SEPTIN9: variants seen among roughly 807,000 people sequenced by gnomAD.
The protein encoded by SEPTIN9 is septin 9, also known as septin-9.
Under a neutral mutation model 56.6 loss-of-function variants are expected in SEPTIN9, and 13 were observed. The observed-to-expected ratio is 0.23, with a 90% CI of 0.15 to 0.37. The LOEUF is 0.37. SEPTIN9 is among the 10% of genes least tolerant of loss of function. SEPTIN9 has a pLI of 1.00. For synonymous variants in SEPTIN9, 332 were observed against 334.1 expected, an observed-to-expected ratio of 0.99 and a Z score of 0.07; for missense variants, 650 against 823.1, an observed-to-expected ratio of 0.79 and a Z score of 2.57.
chr17:77,397,747 T>G (rs2035768371), intron 2 of SEPTIN9, among the ~76,000 whole-genome samples: 1 of 152,128 alleles, frequency 6.6e-6, no homozygotes, highest in African/African-American at 2.4e-5. Context: ...CCTCCCGAAT[T>G]TAAGTGATTC....
At chr17:77,462,891 C>T (rs2038543740) in intron 3 of SEPTIN9, among the ~76,000 whole-genome samples, 1 of 152,174 alleles carries the variant, frequency 6.6e-6, no homozygotes, top group South Asian at 2.1e-4. Context: ...ATCTGGCCAC[C>T]TTGGCCTTCC....
Position 77,445,191 on chromosome 17 carries a change from G to A in SEPTIN9, c.722-36953G>A, listed in dbSNP as rs1199430630. 6.4e-6 allele frequency: 3 copies of A among 471,010 alleles called. No individual in the cohort carries two copies. The highest frequency in any genetic ancestry group is 1.3e-5 in the Non-Finnish European group (3 of 227,054). The allele number at this position is 471,010 out of a possible 1,614,324, so 29.2% of individuals were successfully genotyped here. A position where few individuals can be genotyped will look rare whatever the true frequency, so the allele number is the denominator to read the frequency against. ...TGCTCCCAGCCCCTTCTCAAGGTTG[G>A]TCTGTGGGTAGAAATGTGGGCTGCC... On this transcript the variant is annotated intron_variant, in intron 3 of 11. Coordinates refer to ENST00000427177, the MANE Select transcript of SEPTIN9 (RefSeq NM_001113491.2). The surrounding 1 kb of genome is among the most constrained non-coding windows in gnomAD (Gnocchi z 4.7).
At chr17:77,363,377 G>GTTTT (rs1326282494) in intron 2 of SEPTIN9, among the ~76,000 whole-genome samples, 1 of 94,090 alleles carries the variant, frequency 1.1e-5, no homozygotes, top group African/African-American at 4.4e-5. Flanking sequence ...CCTTGGGCCT[G>GTTTT]TCTTTTTTTT....
intron 3 of SEPTIN9, among the ~76,000 whole-genome samples, chr17:77,423,661 G>A (rs557833301): frequency 3.9e-5 from 6 of 152,342 alleles, no homozygotes; most frequent in East Asian, 3.9e-4. Context: ...CGGAGATCAC[G>A]TGGCTTGCGC....
chr17:77,341,992 A>T lies in SEPTIN9; in HGVS notation c.76+34795A>T, dbSNP rs538402391. Among the ~76,000 whole-genome samples the T allele has an allele frequency of 4.6e-5, 7 of 151,368 alleles. No homozygotes were observed. In the South Asian group the frequency reaches 1.5e-3, roughly 32 times the overall value. ...CAGCTACTCGGGAGGCTGAGGCAGG[A>T]GAATGGCGTGAACCCGGGAGGCGGA... On this transcript the variant is annotated intron_variant, in intron 2 of 11. Coordinates refer to ENST00000427177, the MANE Select transcript of SEPTIN9 (RefSeq NM_001113491.2).
At chr17:77,364,709 G>A (rs1042706134) in intron 2 of SEPTIN9, among the ~76,000 whole-genome samples, 2 of 152,210 alleles carry the variant, frequency 1.3e-5, no homozygotes, top group African/African-American at 4.8e-5. Flanking sequence ...ACGGGCAGGG[G>A]TCCCCCAATG....
chr17:77,310,849 C>G lies in SEPTIN9; in HGVS notation c.76+3652C>G, dbSNP rs1023469125. Among the ~76,000 whole-genome samples the G allele has an allele frequency of 6.6e-6, 1 of 152,188 alleles. No homozygotes were observed. The highest frequency in any genetic ancestry group is 1.5e-5 in the Non-Finnish European group (1 of 68,032). ...GCTGGGATCCTTGGAGCCAACTCCTCTGCCTGACATCCCGTGTCGCTAGGT... is the reference window on the plus strand; with the variant it reads ...GCTGGGATCCTTGGAGCCAACTCCTGTGCCTGACATCCCGTGTCGCTAGGT... On this transcript the variant is annotated intron_variant, in intron 2 of 11. Transcript: ENST00000427177. This position sits in a 1 kb window ranked among gnomAD's most constrained non-coding sequence, Gnocchi z 4.7.
At chr17:77,324,444 G>T (rs2033057246) in intron 2 of SEPTIN9, among the ~76,000 whole-genome samples, 1 of 152,142 alleles carries the variant, frequency 6.6e-6, no homozygotes, top group African/African-American at 2.4e-5. Flanking sequence ...CTGTGCTCCT[G>T]GTGAGGTGTC....
At chr17:77,285,287 T>C (rs1448213153) in intron 1 of SEPTIN9, among the ~76,000 whole-genome samples, 3 of 152,130 alleles carry the variant, frequency 2.0e-5, no homozygotes, top group Non-Finnish European at 4.4e-5. Flanking sequence ...GGAAACTCTC[T>C]GTGGGTGGCA....
rs761139979 is a variant in SEPTIN9, at chr17:77,482,262, G to T, written c.840G>T (p.Gly280=). 1 of 1,613,134 alleles carries T rather than the reference G, an allele frequency of 6.2e-7. No individual in the cohort carries two copies. The highest frequency in any genetic ancestry group is 1.3e-5 in the African/African-American group (1 of 74,942). ...CCCCGGTGGACTTCGGCTACGTGGG[G>T]ATTGACTCCATCCTGGAGCAGATGC... ...EKAPVDFGYV[G]IDSILEQMRR... Residue 280 remains glycine, a synonymous_variant, in exon 4 of 12, where the codon GGG becomes GGT. Coordinates refer to ENST00000427177, the MANE Select transcript of SEPTIN9 (RefSeq NM_001113491.2).
Position 77,291,594 on chromosome 17 carries a change from G to A in SEPTIN9, c.19+10040G>A, listed in dbSNP as rs138310685. ...TTGCAGTGAGCTGAGATCGTGCCACGGCACTCCAGCCTGGGCAAAGAGAGT... is the reference window on the plus strand; with the variant it reads ...TTGCAGTGAGCTGAGATCGTGCCACAGCACTCCAGCCTGGGCAAAGAGAGT... On this transcript the variant is annotated intron_variant, in intron 1 of 11. Transcript: ENST00000427177. Among the ~76,000 whole-genome samples the A allele has an allele frequency of 6.7e-3, 1,015 of 152,060 alleles. 14 individuals carry two copies. The highest frequency in any genetic ancestry group is 0.023 in the African/African-American group (963 of 41,516).
intron 1 of SEPTIN9, among the ~76,000 whole-genome samples, chr17:77,297,070 T>C (rs983162323): frequency 6.6e-6 from 1 of 151,926 alleles, no homozygotes; most frequent in Non-Finnish European, 1.5e-5. Context: ...AGATGATAGA[T>C]AGATAGGAAG....
In SEPTIN9 at chr17:77,450,773, A is replaced by C. The variant is rs944740587; in HGVS notation, c.722-31371A>C. The C allele has an allele frequency of 1.7e-5, 17 of 985,960 alleles. No homozygotes were observed. Among genetic ancestry groups the C allele is most frequent in the Non-Finnish European group, 1.9e-5 (16 of 830,522 alleles). The allele number at this position is 985,960 out of a possible 1,614,324, so 61.1% of individuals were successfully genotyped here. On this transcript the variant is annotated intron_variant, in intron 3 of 11. Coordinates refer to ENST00000427177, the MANE Select transcript of SEPTIN9 (RefSeq NM_001113491.2). This position sits in a 1 kb window ranked among gnomAD's most constrained non-coding sequence, Gnocchi z 6.0. ...CAGATCTGAATCCAGAGGCTCTCGG[A>C]GGAAGAGCTCAGGGTGAGCTGCGCC...
At chr17:77,333,492 G>A (rs1390670777) in intron 2 of SEPTIN9, among the ~76,000 whole-genome samples, 1 of 152,138 alleles carries the variant, frequency 6.6e-6, no homozygotes, top group African/African-American at 2.4e-5. Context: ...CTCCCCAAGA[G>A]CCGGTTTTAC....
At chr17:77,374,668 C>G (rs977470396) in intron 2 of SEPTIN9, 3 of 152,474 alleles carry the variant, frequency 2.0e-5, no homozygotes, top group Middle Eastern at 3.4e-3. Flanking sequence ...CCTCCCCGCT[C>G]CATGGCCAGA....
chr17:77,398,474 G>C (rs899732150), intron 2 of SEPTIN9, among the ~76,000 whole-genome samples: 1 of 152,146 alleles, frequency 6.6e-6, no homozygotes, highest in African/African-American at 2.4e-5. Context: ...GCTGGAGTGG[G>C]CTTGGCTTTG....
Position 77,451,302 on chromosome 17 carries a change from C to G in SEPTIN9, c.722-30842C>G. ...GCTGGGCGCCCCTATCTCTGCCTGC[C>G]CCCTCCTCCTGCTCCCCTCGCCCTG... is the stretch of plus-strand genomic sequence containing the variant. On this transcript the variant is annotated intron_variant, in intron 3 of 11. Transcript: ENST00000427177. The surrounding 1 kb of genome is among the most constrained non-coding windows in gnomAD (Gnocchi z 4.2). 1.3e-5 allele frequency: 12 copies of G among 930,284 alleles called. No homozygotes were observed. Among genetic ancestry groups the G allele is most frequent in the Non-Finnish European group, 1.5e-5 (12 of 779,246 alleles). 57.6% of individuals were successfully genotyped at this position (930,284 alleles called of 1,614,324 possible).
In SEPTIN9 at chr17:77,433,043, T is replaced by C. The variant is rs1421073617; in HGVS notation, c.721+30340T>C. Among the ~76,000 whole-genome samples, 3 of 152,142 alleles carry C rather than the reference T, an allele frequency of 2.0e-5. No homozygotes were observed. The highest frequency in any genetic ancestry group is 4.4e-5 in the Non-Finnish European group (3 of 68,000). ...TTCCCTCCTGCCCCTCCCCTCCCGC[T>C]GTGCTCTCAGCTGCTCCGACAGGAT... On this transcript the variant is annotated intron_variant, in intron 3 of 11. Coordinates refer to ENST00000427177, the MANE Select transcript of SEPTIN9 (RefSeq NM_001113491.2). The surrounding 1 kb of genome is among the most constrained non-coding windows in gnomAD (Gnocchi z 6.4).
intron 2 of SEPTIN9, among the ~76,000 whole-genome samples, chr17:77,357,078 A>G (rs2627207): frequency 0.5 from 75,692 of 151,662 alleles, 19,133 homozygotes; most frequent in East Asian, 0.78. Flanking sequence ...AAGGTGTCGG[A>G]GGAAGGGGCT....
Sources: gnomAD v4.1 joint callset for allele counts (sites outside exome capture counted in the v4.1 genomes callset) on GRCh38, gnomAD v4.1.1 for gene constraint, Gnocchi (gnomAD v3.1) non-coding constraint, MANE v1.5 for transcripts, NCBI Gene and HGNC (gene_info 2026-07-23, HGNC 2026-07-21) for gene names.